The following NXPH1 variants were observed in gnomAD, a reference collection of about 807,000 sequenced individuals.
The protein encoded by NXPH1 is neurexophilin-1.
NXPH1 carries 5 observed loss-of-function variants against 23.7 expected under a neutral mutation model. The ratio of observed to expected loss-of-function variants is 0.21; its 90% CI spans 0.11 to 0.44. The LOEUF is 0.44. Ranked by LOEUF, NXPH1 falls within the 20% of genes least tolerant of loss-of-function variation. The pLI, the probability that NXPH1 is intolerant of heterozygous loss-of-function variation, is 0.99. For synonymous variants in NXPH1, 144 were observed against 122.2 expected (o/e 1.18, Z -1.18); for missense variants, 324 against 321.6 (o/e 1.01, Z -0.06).
intron 2 of NXPH1, among the ~76,000 whole-genome samples, chr7:8,513,473 G>A (rs1158634668): frequency 1.3e-5 from 2 of 152,076 alleles, no homozygotes; most frequent in East Asian, 3.9e-4. Context: ...TTAAAGTGTT[G>A]ATTACAATGT....
intron 2 of NXPH1, among the ~76,000 whole-genome samples, chr7:8,589,525 G>C (rs77119375): frequency 6.6e-6 from 1 of 151,962 alleles, no homozygotes; most frequent in Non-Finnish European, 1.5e-5. Context: ...GTACCAGAGA[G>C]GGTATTATAC....
At chr7:8,715,008 A>G (rs1279211901) in intron 2 of NXPH1, among the ~76,000 whole-genome samples, 1 of 152,176 alleles carries the variant, frequency 6.6e-6, no homozygotes, top group African/African-American at 2.4e-5. Flanking sequence ...GCACAGCACT[A>G]GGACTTGCCT....
chr7:8,717,416 C>G (rs960754372), intron 2 of NXPH1, among the ~76,000 whole-genome samples: 2 of 152,090 alleles, frequency 1.3e-5, no homozygotes, highest in African/African-American at 4.8e-5. Context: ...TTTAGTGAGT[C>G]AACCTCTGCA....
chr7:8,635,978 T>C (rs970235493), intron 2 of NXPH1, among the ~76,000 whole-genome samples: 1 of 152,190 alleles, frequency 6.6e-6, no homozygotes, highest in African/African-American at 2.4e-5. Context: ...AAAGGTAATG[T>C]CTTTCACTAC....
chr7:8,739,998 C>CT (rs1780333680), intron 2 of NXPH1, among the ~76,000 whole-genome samples: 1 of 152,210 alleles, frequency 6.6e-6, no homozygotes, highest in Non-Finnish European at 1.5e-5. Flanking sequence ...CAGTGTGTGA[C>CT]TGTACCTCTA....
At chr7:8,463,273 C>T (rs1816724875) in intron 2 of NXPH1, among the ~76,000 whole-genome samples, 1 of 151,624 alleles carries the variant, frequency 6.6e-6, no homozygotes. Context: ...GAGGTATTAC[C>T]AAATGGTATC....
chr7:8,538,991 G>T (rs973134710), intron 2 of NXPH1, among the ~76,000 whole-genome samples: 2 of 151,890 alleles, frequency 1.3e-5, no homozygotes, highest in Non-Finnish European at 2.9e-5. Flanking sequence ...AAAATTCAGT[G>T]ATAATTCATG....
chr7:8,503,165 A>G (rs1817464321), intron 2 of NXPH1, among the ~76,000 whole-genome samples: 1 of 152,122 alleles, frequency 6.6e-6, no homozygotes. Flanking sequence ...ATGGAGCTTC[A>G]AAATCAAAAC....
intron 2 of NXPH1, among the ~76,000 whole-genome samples, chr7:8,447,552 C>T (rs1816427062): frequency 6.6e-6 from 1 of 152,218 alleles, no homozygotes; most frequent in Non-Finnish European, 1.5e-5. Flanking sequence ...TTGTGAACAG[C>T]TGCAGCAAAT....
intron 2 of NXPH1, among the ~76,000 whole-genome samples, chr7:8,571,734 A>G (rs1176861334): frequency 6.6e-6 from 1 of 151,956 alleles, no homozygotes; most frequent in African/African-American, 2.4e-5. Context: ...TCAAGTATAA[A>G]TGCATAAAAA....
intron 2 of NXPH1, among the ~76,000 whole-genome samples, chr7:8,618,305 G>T (rs1191233709): frequency 6.6e-6 from 1 of 152,120 alleles, no homozygotes; most frequent in African/African-American, 2.4e-5. Context: ...TGATGCCACT[G>T]ATTCATCTGA....
At chr7:8,714,854 C>T (rs543613190) in intron 2 of NXPH1, among the ~76,000 whole-genome samples, 46 of 152,262 alleles carry the variant, frequency 3.0e-4, no homozygotes, top group African/African-American at 1.1e-3. Flanking sequence ...CTCCCCTCTC[C>T]TAAAGTAGGA....
intron 2 of NXPH1, among the ~76,000 whole-genome samples, chr7:8,692,270 A>G (rs938659631): frequency 3.9e-5 from 6 of 152,210 alleles, no homozygotes; most frequent in African/African-American, 1.4e-4. Context: ...TCACTCGGAC[A>G]GCTGAGTGAA....
At chr7:8,717,906 A>AACATG (rs1779903975) in intron 2 of NXPH1, among the ~76,000 whole-genome samples, 1 of 151,050 alleles carries the variant, frequency 6.6e-6, no homozygotes, top group South Asian at 2.1e-4. Context: ...ATATATATAT[A>AACATG]TATATACACA....
In NXPH1 at chr7:8,435,076, T is replaced by C. The variant is rs1297558121; in HGVS notation, c.-111+321T>C. On this transcript the variant is annotated intron_variant, in intron 1 of 2. Transcript: ENST00000405863. This position sits in a 1 kb window ranked among gnomAD's most constrained non-coding sequence, Gnocchi z 5.9. ...TTCCCCACCCCCACTTCACCGAACG[T>C]GTTGAGGTACCTAGCACCTAATCGC... 2 of 153,462 alleles carry C rather than the reference T, an allele frequency of 1.3e-5. No individual in the cohort carries two copies. The highest frequency in any genetic ancestry group is 2.9e-5 in the Non-Finnish European group (2 of 69,006). The allele number at this position is 153,462 out of a possible 1,614,324, so 9.5% of individuals were successfully genotyped here. A position where few individuals can be genotyped will look rare whatever the true frequency, so the allele number is the denominator to read the frequency against.
intron 2 of NXPH1, among the ~76,000 whole-genome samples, chr7:8,617,553 C>T (rs925844937): frequency 1.3e-5 from 2 of 151,994 alleles, no homozygotes; most frequent in Admixed American, 6.6e-5. Flanking sequence ...ATAAGCCAGG[C>T]ACAGAAAGAC....
At chr7:8,440,263 C>T (rs1306274592) in intron 2 of NXPH1, among the ~76,000 whole-genome samples, 3 of 152,212 alleles carry the variant, frequency 2.0e-5, no homozygotes, top group Non-Finnish European at 2.9e-5. Flanking sequence ...GAAAGCAGCT[C>T]GCCCAAGTGT....
intron 2 of NXPH1, among the ~76,000 whole-genome samples, chr7:8,749,013 G>A (rs530138607): frequency 1.3e-4 from 20 of 152,158 alleles, no homozygotes; most frequent in Non-Finnish European, 2.4e-4. Flanking sequence ...TTGAGATGAC[G>A]AAGGTTCTCT....
At chr7:8,508,105 C>T (rs1006421351) in intron 2 of NXPH1, among the ~76,000 whole-genome samples, 4 of 152,110 alleles carry the variant, frequency 2.6e-5, no homozygotes, top group Non-Finnish European at 5.9e-5. Flanking sequence ...ACTGTCAAAT[C>T]ATGACTGATA....
Sources: gnomAD v4.1 joint callset for allele counts (sites outside exome capture counted in the v4.1 genomes callset) on GRCh38, gnomAD v4.1.1 for gene constraint, Gnocchi (gnomAD v3.1) non-coding constraint, MANE v1.5 for transcripts, NCBI Gene and HGNC (gene_info 2026-07-23, HGNC 2026-07-21) for gene names.